SUPT3H: variants seen among roughly 807,000 people sequenced by gnomAD.
The protein encoded by SUPT3H is SPT3 homolog, SAGA and STAGA complex component.
Under a neutral mutation model 44.3 loss-of-function variants are expected in SUPT3H, and 44 were observed. The ratio of observed to expected loss-of-function variants is 0.99; its 90% CI spans 0.78 to 1.28. The LOEUF is 1.28. SUPT3H is among the 50% of genes most tolerant of loss of function. The pLI is 0.00. For synonymous variants in SUPT3H, 124 were observed against 125.6 expected (o/e 0.99, Z 0.09); for missense variants, 380 against 387.1 (o/e 0.98, Z 0.15).
intron 2 of SUPT3H, among the ~76,000 whole-genome samples, chr6:45,130,721 T>G (rs1267596649): frequency 7.0e-6 from 1 of 142,018 alleles, no homozygotes; most frequent in African/African-American, 2.6e-5. Context: ...ACTTTTTTTT[T>G]TTTTTTTTTT....
In SUPT3H at chr6:44,978,665, G is replaced by A. The variant is rs566541350; in HGVS notation, c.505-16837C>T. ...ACATAGCATGGTCTCATCTGTCTGG[G>A]AAGGTCATCCTTCCTTTCTATTCGT... On this transcript the variant is annotated intron_variant, in intron 6 of 10. Transcript: ENST00000371459. Among the ~76,000 whole-genome samples, 3 of 152,300 alleles carry A rather than the reference G, an allele frequency of 2.0e-5. No homozygotes were observed. In the East Asian group the frequency reaches 5.8e-4, roughly 29 times the overall value.
At chr6:45,138,132 A>G (rs901452860) in intron 2 of SUPT3H, among the ~76,000 whole-genome samples, 1 of 152,156 alleles carries the variant, frequency 6.6e-6, no homozygotes, top group African/African-American at 2.4e-5. Context: ...CATTAAGAAC[A>G]TGCAAATCAA....
chr6:45,298,403 T>C (rs1781621334), intron 2 of SUPT3H, among the ~76,000 whole-genome samples: 1 of 152,196 alleles, frequency 6.6e-6, no homozygotes, highest in African/African-American at 2.4e-5. Flanking sequence ...AGTTAATTCC[T>C]AGATATCTGT....
At chr6:44,889,517 A>T (rs958003478) in intron 10 of SUPT3H, among the ~76,000 whole-genome samples, 13 of 152,172 alleles carry the variant, frequency 8.5e-5, no homozygotes, top group East Asian at 1.9e-4. Flanking sequence ...GGGGAAAGGA[A>T]TCCCTATTTA....
intron 2 of SUPT3H, among the ~76,000 whole-genome samples, chr6:45,206,896 C>T (rs1350631729): frequency 6.6e-6 from 1 of 152,100 alleles, no homozygotes; most frequent in Non-Finnish European, 1.5e-5. Flanking sequence ...ATCTACCAGA[C>T]ATTCAAGTGG....
chr6:44,885,820 G>A (rs1029794905), intron 10 of SUPT3H, among the ~76,000 whole-genome samples: 2 of 152,136 alleles, frequency 1.3e-5, no homozygotes, highest in African/African-American at 4.8e-5. Context: ...ACTACTCCGA[G>A]CTACAGGAGG....
At chr6:45,302,275 G>T (rs558351208) in intron 2 of SUPT3H, among the ~76,000 whole-genome samples, 1 of 151,548 alleles carries the variant, frequency 6.6e-6, no homozygotes, top group South Asian at 2.1e-4. Context: ...TTTTCCCCAA[G>T]TCCCCAAAGT....
chr6:44,836,343 T>A (rs1276898602), intron 10 of SUPT3H, among the ~76,000 whole-genome samples: 1 of 152,228 alleles, frequency 6.6e-6, no homozygotes, highest in Admixed American at 6.5e-5. Context: ...ATTTTTCTTT[T>A]GTATACTTGC....
At chr6:45,313,083 G>A (rs1479444359) in intron 2 of SUPT3H, among the ~76,000 whole-genome samples, 3 of 152,036 alleles carry the variant, frequency 2.0e-5, no homozygotes, top group South Asian at 2.1e-4. Flanking sequence ...AAAATTCTTC[G>A]AACTGAATGA....
intron 10 of SUPT3H, among the ~76,000 whole-genome samples, chr6:44,850,348 C>G (rs1772657388): frequency 6.6e-6 from 1 of 152,102 alleles, no homozygotes; most frequent in Non-Finnish European, 1.5e-5. Context: ...TTTCTTTAGT[C>G]TCTCAGAAAT....
chr6:45,342,262 C>T (rs1789943863), intron 2 of SUPT3H, among the ~76,000 whole-genome samples: 1 of 151,868 alleles, frequency 6.6e-6, no homozygotes, highest in African/African-American at 2.4e-5. Flanking sequence ...ATATATAACA[C>T]AATCTCAATT....
intron 2 of SUPT3H, among the ~76,000 whole-genome samples, chr6:45,332,272 A>T (rs977305190): frequency 6.6e-6 from 1 of 151,702 alleles, no homozygotes; most frequent in African/African-American, 2.4e-5. Context: ...GCTCACATGA[A>T]AACTGTGGTA....
intron 10 of SUPT3H, among the ~76,000 whole-genome samples, chr6:44,839,523 G>A (rs184397496): frequency 5.1e-4 from 78 of 151,966 alleles, no homozygotes; most frequent in Middle Eastern, 6.8e-3. Context: ...GCCCAGGCTG[G>A]TCTTGAACTC....
intron 3 of SUPT3H, among the ~76,000 whole-genome samples, chr6:45,062,726 C>G (rs1033723156): frequency 6.6e-6 from 1 of 152,112 alleles, no homozygotes; most frequent in Non-Finnish European, 1.5e-5. Context: ...TCGGGTCACT[C>G]CCACCCGAAT....
At chr6:44,916,676 T>C (rs978446970) in intron 10 of SUPT3H, among the ~76,000 whole-genome samples, 4 of 152,180 alleles carry the variant, frequency 2.6e-5, no homozygotes, top group Non-Finnish European at 5.9e-5. Context: ...GGGCTTCCCT[T>C]TGTGATTCTC....
chr6:45,289,622 T>C lies in SUPT3H; in HGVS notation c.101+75579A>G, dbSNP rs539785107. Among the ~76,000 whole-genome samples the C allele has an allele frequency of 2.0e-5, 3 of 152,312 alleles. No individual in the cohort carries two copies. In the South Asian group the frequency reaches 6.2e-4, roughly 32 times the overall value. On this transcript the variant is annotated intron_variant, in intron 2 of 10. Transcript: ENST00000371459. ...GAATAACTTGAGAGGTCAGATAATA[T>C]ATTAACACATAGGCTTTTTAGAAAA...
intron 2 of SUPT3H, among the ~76,000 whole-genome samples, chr6:45,317,712 A>G (rs1042670614): frequency 1.3e-5 from 2 of 152,196 alleles, no homozygotes; most frequent in African/African-American, 2.4e-5. Flanking sequence ...AAACACAAAC[A>G]TAAGACATGA....
At chr6:45,249,462 A>G (rs1584490217) in intron 2 of SUPT3H, among the ~76,000 whole-genome samples, 2 of 151,948 alleles carry the variant, frequency 1.3e-5, no homozygotes, top group Non-Finnish European at 2.9e-5. Context: ...AAAAAAAAAA[A>G]GGGAAAGGAA....
At chr6:45,003,103 CAT>C (rs1186386904) in intron 6 of SUPT3H, among the ~76,000 whole-genome samples, 2 of 151,942 alleles carry the variant, frequency 1.3e-5, no homozygotes, top group African/African-American at 4.8e-5. Flanking sequence ...AAAAAGAAGA[CAT>C]ATAATTTTCA....
Sources: gnomAD v4.1 joint callset for allele counts (sites outside exome capture counted in the v4.1 genomes callset) on GRCh38, gnomAD v4.1.1 for gene constraint, MANE v1.5 for transcripts, NCBI Gene and HGNC (gene_info 2026-07-23, HGNC 2026-07-21) for gene names.